CACNA2D3: variants seen among roughly 807,000 people sequenced by gnomAD.
The protein encoded by CACNA2D3 is calcium voltage-gated channel auxiliary subunit alpha2delta 3.
CACNA2D3 carries 60 observed loss-of-function variants against 160.6 expected under a neutral mutation model. The ratio of observed to expected loss-of-function variants is 0.37; its 90% CI spans 0.30 to 0.46. The LOEUF (loss-of-function observed/expected upper bound fraction) is 0.46. Among genes scored for constraint, CACNA2D3 ranks in the 20% least tolerant of loss-of-function variants. CACNA2D3 has a pLI of 1.00. For synonymous variants in CACNA2D3, 558 were observed against 492.9 expected, an observed-to-expected ratio of 1.13 and a Z score of -1.75; for missense variants, 1,205 against 1,365.0, an observed-to-expected ratio of 0.88 and a Z score of 1.85.
At chr3:54,393,578 A>G (rs1399082561) in intron 4 of CACNA2D3, among the ~76,000 whole-genome samples, 1 of 152,152 alleles carries the variant, frequency 6.6e-6, no homozygotes, top group Non-Finnish European at 1.5e-5. Flanking sequence ...CCCAGTCACT[A>G]TCGTGCTTCG....
chr3:54,266,901 T>G (rs983800163), intron 2 of CACNA2D3, among the ~76,000 whole-genome samples: 1 of 152,050 alleles, frequency 6.6e-6, no homozygotes, highest in South Asian at 2.1e-4. Context: ...AGGGAGAGCA[T>G]GGAGGGGACA....
intron 13 of CACNA2D3, among the ~76,000 whole-genome samples, chr3:54,809,310 TC>T (rs1559590238): frequency 1.0e-5 from 1 of 95,436 alleles, no homozygotes; most frequent in African/African-American, 7.2e-5. Context: ...CTTCCTTCTT[TC>T]TTTTTTTTTT....
intron 9 of CACNA2D3, among the ~76,000 whole-genome samples, chr3:54,597,777 C>G (rs552842738): frequency 6.6e-6 from 1 of 152,240 alleles, no homozygotes; most frequent in Admixed American, 6.5e-5. Flanking sequence ...CACATATATC[C>G]CATTGCAGTT....
chr3:54,393,753 G>A (rs1575430902), intron 4 of CACNA2D3, among the ~76,000 whole-genome samples: 1 of 152,210 alleles, frequency 6.6e-6, no homozygotes, highest in Admixed American at 6.5e-5. Flanking sequence ...GGGCTGATCT[G>A]ACGTGGTATC....
intron 2 of CACNA2D3, among the ~76,000 whole-genome samples, chr3:54,274,095 T>A (rs1453930250): frequency 6.6e-6 from 1 of 152,110 alleles, no homozygotes; most frequent in Non-Finnish European, 1.5e-5. Flanking sequence ...AATGACCTTC[T>A]CTTATGACTC....
intron 4 of CACNA2D3, among the ~76,000 whole-genome samples, chr3:54,464,612 T>G (rs558220897): frequency 1.0e-3 from 157 of 152,342 alleles, no homozygotes; most frequent in Non-Finnish European, 2.1e-3. Context: ...TGTGCCGTTT[T>G]TTAAGCCCGT....
intron 3 of CACNA2D3, 126 bp downstream of exon 3, chr3:54,320,684 A>G: frequency 1.9e-6 from 1 of 531,088 alleles, no homozygotes; most frequent in Non-Finnish European, 3.3e-6. Context: ...AAATACTTTT[A>G]TTTTTACAGT....
chr3:54,344,391 G>A (rs1698418489), intron 3 of CACNA2D3, among the ~76,000 whole-genome samples: 1 of 152,156 alleles, frequency 6.6e-6, no homozygotes, highest in Non-Finnish European at 1.5e-5. Context: ...GATTGAATGA[G>A]GGAGGGAGGG....
chr3:54,714,199 A>C (rs2106969737), intron 11 of CACNA2D3, among the ~76,000 whole-genome samples: 1 of 152,346 alleles, frequency 6.6e-6, no homozygotes, highest in African/African-American at 2.4e-5. Flanking sequence ...TTTTGATGTC[A>C]CTGGGCCTGG....
In CACNA2D3 at chr3:55,073,296, G is replaced by T. The variant is rs185234214; in HGVS notation, c.2988-149G>T. The T allele has an allele frequency of 1.1e-3, 691 of 609,980 alleles. 3 individuals carry two copies. The African/African-American group carries it at 0.012, about 10-fold the overall frequency. The allele number at this position is 609,980 out of a possible 1,614,324, so 37.8% of individuals were successfully genotyped here. ...GTATTTGTAAGTGAAGAGCCTCATG[G>T]AGAAAGAAGGTAACATTAGTAGTAA... On this transcript the variant is annotated intron_variant, in intron 35 of 37. Transcript: ENST00000474759.
intron 11 of CACNA2D3, among the ~76,000 whole-genome samples, chr3:54,739,689 C>T (rs1422574340): frequency 6.6e-6 from 1 of 151,516 alleles, no homozygotes; most frequent in Non-Finnish European, 1.5e-5. Flanking sequence ...GGAAACCAAG[C>T]TCTTTGTGGG....
At chr3:54,457,571 G>A (rs6766016) in intron 4 of CACNA2D3, among the ~76,000 whole-genome samples, 150,737 of 152,142 alleles carry the variant, frequency 0.99, 74,688 homozygotes, top group Middle Eastern at 1. Context: ...CCATAGGTGT[G>A]TTTGGTCTAT....
intron 2 of CACNA2D3, among the ~76,000 whole-genome samples, chr3:54,161,174 A>C (rs908522141): frequency 6.6e-6 from 1 of 152,192 alleles, no homozygotes; most frequent in Non-Finnish European, 1.5e-5. Flanking sequence ...AGCTCTGCCA[A>C]TATTACTAAC....
chr3:54,504,501 A>G (rs1243581996), intron 5 of CACNA2D3, among the ~76,000 whole-genome samples: 1 of 152,184 alleles, frequency 6.6e-6, no homozygotes, highest in Non-Finnish European at 1.5e-5. Context: ...TGATGTTTAT[A>G]AAGGGTTTAA....
intron 4 of CACNA2D3, among the ~76,000 whole-genome samples, chr3:54,465,405 T>G (rs546068575): frequency 6.6e-6 from 1 of 152,172 alleles, no homozygotes; most frequent in Non-Finnish European, 1.5e-5. Context: ...TTATTAGTTA[T>G]TGTTAATCTC....
At chr3:54,318,188 G>C (rs1438864083) in intron 2 of CACNA2D3, among the ~76,000 whole-genome samples, 1 of 152,162 alleles carries the variant, frequency 6.6e-6, no homozygotes, top group Non-Finnish European at 1.5e-5. Flanking sequence ...CTTGCTTCCA[G>C]GGCCACACAA....
chr3:54,957,696 A>G (rs987698199), intron 27 of CACNA2D3, among the ~76,000 whole-genome samples: 1 of 120,088 alleles, frequency 8.3e-6, no homozygotes, highest in African/African-American at 2.7e-5. Flanking sequence ...GGCCCCACCC[A>G]GTCAGGAGGG....
chr3:54,937,314 A>G (rs1332723203), intron 27 of CACNA2D3, among the ~76,000 whole-genome samples: 3 of 152,210 alleles, frequency 2.0e-5, no homozygotes, highest in African/African-American at 7.2e-5. Context: ...TGGCCACTAC[A>G]GTGTAGAAAG....
At chr3:54,932,899 G>A (rs9814790) in intron 27 of CACNA2D3, among the ~76,000 whole-genome samples, 1,802 of 152,284 alleles carry the variant, frequency 0.012, 29 homozygotes, top group African/African-American at 0.041. Flanking sequence ...CAGAAATTTC[G>A]TTTGGTTAGA....
Sources: allele counts gnomAD v4.1 joint callset (sites outside exome capture counted in the v4.1 genomes callset), GRCh38; gene constraint gnomAD v4.1.1; transcripts MANE v1.5; gene names NCBI Gene and HGNC (gene_info 2026-07-23, HGNC 2026-07-21).